The following CSMD1 variants were observed in gnomAD, a reference collection of about 807,000 sequenced individuals.
CSMD1 encodes the protein CUB and Sushi multiple domains 1.
A neutral mutation model predicts 417.5 loss-of-function variants in CSMD1; 213 were observed. The observed-to-expected ratio is 0.51, with a 90% CI of 0.46 to 0.57. The LOEUF (loss-of-function observed/expected upper bound fraction) is 0.57, where lower values mean the gene tolerates loss of function less well. Ranked by LOEUF, CSMD1 falls within the 20% of genes least tolerant of loss-of-function variation. The pLI is 0.00. For synonymous variants in CSMD1, 2,862 were observed against 1,736.8 expected (o/e 1.65, Z -16.11); for missense variants, 6,923 against 4,529.7 (o/e 1.53, Z -15.17).
At chr8:3,190,223 G>T (rs910923892) in intron 33 of CSMD1, 108 bp from the exon 34 acceptor site, 1,196 of 574,564 alleles carry the variant, frequency 2.1e-3, no homozygotes, top group Middle Eastern at 2.8e-3. Flanking sequence ...TGCAGACAGA[G>T]AATTTAATAA....
chr8:4,091,909 T>C (rs1225591409), intron 3 of CSMD1, among the ~76,000 whole-genome samples: 1 of 152,160 alleles, frequency 6.6e-6, no homozygotes, highest in Non-Finnish European at 1.5e-5. Context: ...TTTTAAATAG[T>C]CAGTGCTCCC....
intron 30 of CSMD1, among the ~76,000 whole-genome samples, chr8:3,214,119 C>T (rs1215083776): frequency 1.1e-4 from 16 of 152,130 alleles, no homozygotes; most frequent in Non-Finnish European, 1.5e-5. Context: ...GCTGGGATTA[C>T]AGGCATGAGC....
chr8:3,775,616 T>C (rs887240375), intron 5 of CSMD1, among the ~76,000 whole-genome samples: 1 of 152,192 alleles, frequency 6.6e-6, no homozygotes, highest in African/African-American at 2.4e-5. Flanking sequence ...TCGTAAATTG[T>C]TGGGACTCAT....
chr8:4,689,838 T>A (rs944514559), intron 1 of CSMD1, among the ~76,000 whole-genome samples: 1 of 152,142 alleles, frequency 6.6e-6, no homozygotes, highest in African/African-American at 2.4e-5. Flanking sequence ...TCTGGTGCCT[T>A]TAATACTAGA....
intron 1 of CSMD1, among the ~76,000 whole-genome samples, chr8:4,722,513 G>C (rs1003467570): frequency 3.3e-5 from 5 of 151,980 alleles, no homozygotes; most frequent in African/African-American, 4.8e-5. Flanking sequence ...GAGGATTGCT[G>C]ATTCTTCAGG....
intron 3 of CSMD1, among the ~76,000 whole-genome samples, chr8:4,314,415 T>C (rs1168634239): frequency 6.6e-6 from 1 of 152,192 alleles, no homozygotes; most frequent in East Asian, 1.9e-4. Context: ...GAAATAAGTG[T>C]TCTATTTCAG....
At chr8:4,062,163 C>T (rs959064515) in intron 3 of CSMD1, among the ~76,000 whole-genome samples, 1 of 152,064 alleles carries the variant, frequency 6.6e-6, no homozygotes, top group Non-Finnish European at 1.5e-5. Flanking sequence ...ATACCAGAAA[C>T]ACGCAAGACT....
At chr8:3,872,363 G>A (rs1490039137) in intron 5 of CSMD1, among the ~76,000 whole-genome samples, 4 of 152,154 alleles carry the variant, frequency 2.6e-5, no homozygotes, top group Non-Finnish European at 4.4e-5. Flanking sequence ...TGCTGTGTTG[G>A]CAAGATGTCC....
At position 3,108,744 on chromosome 8, in the gene CSMD1, C is replaced by T. The variant is rs766680987; in HGVS notation, c.6613G>A (p.Gly2205Ser). ...AVNDYIAVWD[G>S]PDQNSPQLGV... ...AGCTGGGGTGAGTTCTGATCGGGAC[C>T]GTCCCTAGGAAAGACAGAAAGAGGT... The change falls in exon 44 of 70, where the codon GGT becomes AGT. Residue 2205 changes from glycine to serine, a missense_variant. By Grantham distance (56) the Gly-to-Ser change is moderately conservative. Coordinates refer to ENST00000635120, the MANE Select transcript of CSMD1 (RefSeq NM_033225.6). The T allele has an allele frequency of 1.5e-5, 24 of 1,610,894 alleles. No homozygotes were observed. The highest frequency in any genetic ancestry group is 1.9e-5 in the Non-Finnish European group (22 of 1,178,254).
intron 3 of CSMD1, among the ~76,000 whole-genome samples, chr8:4,228,744 T>G (rs1801519650): frequency 6.6e-6 from 1 of 152,060 alleles, no homozygotes; most frequent in Non-Finnish European, 1.5e-5. Flanking sequence ...AGTGCAGTGG[T>G]GGGATCTTAG....
At chr8:3,409,372 G>A in intron 13 of CSMD1, 51 bp downstream of exon 13, 8 of 1,458,150 alleles carry the variant, frequency 5.5e-6, no homozygotes, top group Middle Eastern at 2.0e-4. Flanking sequence ...TTCTCCCCTT[G>A]CAAGATCCTT....
At chr8:3,039,199 G>T (rs1252983949) in intron 50 of CSMD1, among the ~76,000 whole-genome samples, 2 of 150,032 alleles carry the variant, frequency 1.3e-5, no homozygotes, top group Non-Finnish European at 2.9e-5. Flanking sequence ...CAGAGTGAAG[G>T]GTCCTGAATT....
At position 3,692,568 on chromosome 8, in the gene CSMD1, G is replaced by C. The variant is rs1407433980; in HGVS notation, c.1009+15846C>G. Among the ~76,000 whole-genome samples the C allele has an allele frequency of 5.3e-5, 8 of 152,074 alleles. 1 individual carries two copies. Among genetic ancestry groups the C allele is most frequent in the African/African-American group, 1.7e-4 (7 of 41,480 alleles). ...TCCTGCCTCAGCCTCCCGAGCATCT[G>C]GGATAACAGGCATGTCACCACACAC... On this transcript the variant is annotated intron_variant, in intron 7 of 69. Transcript: ENST00000635120.
chr8:2,970,926 C>G (rs1427211436), intron 57 of CSMD1, among the ~76,000 whole-genome samples: 1 of 152,152 alleles, frequency 6.6e-6, no homozygotes, highest in Non-Finnish European at 1.5e-5. Context: ...AGATTATAAG[C>G]CATTCTTACA....
chr8:4,769,697 G>T lies in CSMD1; in HGVS notation c.86-132139C>A, dbSNP rs545559734. ...GGATTTGTGGAGCTGCACGTCAGTTGCATAGGAGGTGGGAAACGAAGTGAA... is the reference window on the plus strand; with the variant it reads ...GGATTTGTGGAGCTGCACGTCAGTTTCATAGGAGGTGGGAAACGAAGTGAA... On this transcript the variant is annotated intron_variant, in intron 1 of 69. Transcript: ENST00000635120. Among the ~76,000 whole-genome samples the T allele has an allele frequency of 6.6e-5, 10 of 152,310 alleles. No homozygotes were observed. The South Asian group carries it at 2.1e-3, about 32-fold the overall frequency.
chr8:3,605,849 A>G (rs542297911), intron 8 of CSMD1, among the ~76,000 whole-genome samples: 38 of 152,310 alleles, frequency 2.5e-4, no homozygotes, highest in African/African-American at 8.2e-4. Flanking sequence ...TTGTTAATCT[A>G]TTCTCTGATG....
intron 3 of CSMD1, among the ~76,000 whole-genome samples, chr8:4,311,133 G>T (rs563402506): frequency 6.6e-6 from 1 of 152,108 alleles, no homozygotes; most frequent in African/African-American, 2.4e-5. Flanking sequence ...ACTCAACCCA[G>T]CAATACCGTG....
At chr8:3,637,570 C>G (rs1292051143) in intron 7 of CSMD1, among the ~76,000 whole-genome samples, 1 of 152,062 alleles carries the variant, frequency 6.6e-6, no homozygotes, top group Admixed American at 6.6e-5. Flanking sequence ...TTTTTTAATA[C>G]TTTAGTAAAA....
chr8:4,012,834 C>T (rs538879544), intron 4 of CSMD1, among the ~76,000 whole-genome samples: 12 of 152,220 alleles, frequency 7.9e-5, no homozygotes, highest in Admixed American at 2.0e-4. Context: ...CAGTGTTGCA[C>T]GAGAAGACAC....
Sources: gnomAD v4.1 joint callset for allele counts (sites outside exome capture counted in the v4.1 genomes callset) on GRCh38, gnomAD v4.1.1 for gene constraint, MANE v1.5 for transcripts, NCBI Gene and HGNC (gene_info 2026-07-23, HGNC 2026-07-21) for gene names.